PRKN: variants seen among roughly 807,000 people sequenced by gnomAD.
PRKN encodes the protein parkin RBR E3 ubiquitin protein ligase, also known as E3 ubiquitin-protein ligase parkin.
PRKN carries 56 observed loss-of-function variants against 59.5 expected under a neutral mutation model. The ratio of observed to expected loss-of-function variants is 0.94; its 90% CI spans 0.76 to 1.18. The LOEUF is 1.18. Among genes scored for constraint, PRKN ranks in the 50% most tolerant of loss-of-function variants. PRKN has a pLI of 0.00. For synonymous variants in PRKN, 250 were observed against 222.1 expected, an observed-to-expected ratio of 1.13 and a Z score of -1.12; for missense variants, 657 against 596.4, an observed-to-expected ratio of 1.10 and a Z score of -1.06.
At chr6:161,973,903 G>A (rs996642731) in intron 5 of PRKN, among the ~76,000 whole-genome samples, 35 of 152,282 alleles carry the variant, frequency 2.3e-4, no homozygotes, top group Middle Eastern at 3.4e-3. Flanking sequence ...GTCATTTAGC[G>A]GAGTCAGGAA....
At chr6:161,543,739 A>G (rs576572125) in intron 9 of PRKN, among the ~76,000 whole-genome samples, 1 of 152,370 alleles carries the variant, frequency 6.6e-6, no homozygotes, top group Admixed American at 6.5e-5. Context: ...ATTATCACCC[A>G]GACATGTAAT....
intron 5 of PRKN, among the ~76,000 whole-genome samples, chr6:161,976,469 T>A (rs1197113515): frequency 3.9e-5 from 6 of 152,150 alleles, no homozygotes; most frequent in Admixed American, 2.6e-4. Flanking sequence ...TGCCCATGAG[T>A]CCAGGACCTT....
chr6:162,055,737 C>T (rs1041150235), intron 4 of PRKN, among the ~76,000 whole-genome samples: 3 of 152,096 alleles, frequency 2.0e-5, no homozygotes, highest in African/African-American at 7.2e-5. Context: ...GACGTTTGGA[C>T]CCAGCTAGTG....
At chr6:161,676,399 G>A (rs555144482) in intron 7 of PRKN, among the ~76,000 whole-genome samples, 1 of 152,326 alleles carries the variant, frequency 6.6e-6, no homozygotes, top group South Asian at 2.1e-4. Flanking sequence ...AAAATGCCTT[G>A]GAGCTCAGGT....
intron 5 of PRKN, among the ~76,000 whole-genome samples, chr6:162,007,988 C>T (rs1170024595): frequency 6.6e-6 from 1 of 152,066 alleles, no homozygotes; most frequent in Non-Finnish European, 1.5e-5. Context: ...GCTAGGGGAG[C>T]ATTTATAAGA....
chr6:161,516,196 C>T (rs1459714892), intron 9 of PRKN, among the ~76,000 whole-genome samples: 1 of 151,338 alleles, frequency 6.6e-6, no homozygotes, highest in Non-Finnish European at 1.5e-5. Flanking sequence ...GCCTGTAATC[C>T]CAGCACTTTG....
At chr6:161,856,353 G>A (rs1411446120) in intron 6 of PRKN, among the ~76,000 whole-genome samples, 1 of 123,090 alleles carries the variant, frequency 8.1e-6, no homozygotes, top group Admixed American at 8.2e-5. Flanking sequence ...AGAGTGAAAT[G>A]CCATCTCAAA....
chr6:162,361,710 T>C (rs1785151305), intron 2 of PRKN, among the ~76,000 whole-genome samples: 1 of 152,228 alleles, frequency 6.6e-6, no homozygotes, highest in South Asian at 2.1e-4. Flanking sequence ...GATGCAAGTG[T>C]GCTGTGCATA....
intron 8 of PRKN, among the ~76,000 whole-genome samples, chr6:161,558,115 T>A (rs953381571): frequency 1.3e-5 from 2 of 152,152 alleles, no homozygotes; most frequent in African/African-American, 4.8e-5. Flanking sequence ...TGTGAAGTGA[T>A]GGATGTGGCC....
chr6:162,003,113 A>C (rs1222201820), intron 5 of PRKN, among the ~76,000 whole-genome samples: 1 of 151,796 alleles, frequency 6.6e-6, no homozygotes. Flanking sequence ...GAAGTGGTCT[A>C]TAGAGGTCAA....
intron 1 of PRKN, among the ~76,000 whole-genome samples, chr6:162,597,619 C>T (rs1781541315): frequency 6.6e-6 from 1 of 152,152 alleles, no homozygotes; most frequent in Non-Finnish European, 1.5e-5. Flanking sequence ...TTCTGACACG[C>T]TATTTATCTG....
At chr6:161,489,384 A>G (rs929547972) in intron 9 of PRKN, among the ~76,000 whole-genome samples, 8 of 151,856 alleles carry the variant, frequency 5.3e-5, no homozygotes, top group Non-Finnish European at 1.2e-4. Flanking sequence ...ACATGGTGAA[A>G]CCCTGTCTCT....
chr6:161,630,137 C>T (rs752347546), intron 7 of PRKN, among the ~76,000 whole-genome samples: 4 of 152,182 alleles, frequency 2.6e-5, no homozygotes, highest in Non-Finnish European at 4.4e-5. Flanking sequence ...TAGGTTTTTA[C>T]TGTGTACTAG....
At chr6:162,338,901 G>T (rs1293661081) in intron 2 of PRKN, among the ~76,000 whole-genome samples, 1 of 149,142 alleles carries the variant, frequency 6.7e-6, no homozygotes, top group Non-Finnish European at 1.5e-5. Context: ...CCTCTGCCCC[G>T]CCGCCCCATC....
At chr6:161,819,427 G>T (rs1791927347) in intron 6 of PRKN, among the ~76,000 whole-genome samples, 1 of 152,132 alleles carries the variant, frequency 6.6e-6, no homozygotes, top group Non-Finnish European at 1.5e-5. Flanking sequence ...GGAGGCGGAG[G>T]TTGCAGTGAG....
Position 161,442,239 on chromosome 6 carries a change from G to T in PRKN, c.1084-55362C>A, listed in dbSNP as rs146107730. On this transcript the variant is annotated intron_variant, in intron 9 of 11. Coordinates refer to ENST00000366898, the MANE Select transcript of PRKN (RefSeq NM_004562.3). The surrounding 1 kb of genome is among the most constrained non-coding windows in gnomAD (Gnocchi z 4.6). ...CTTCAATTTCTCTGAAATTGAAGGAGAATTATTTCTCCACTTCAAAAGTCA... is the reference window on the plus strand; with the variant it reads ...CTTCAATTTCTCTGAAATTGAAGGATAATTATTTCTCCACTTCAAAAGTCA... Among the ~76,000 whole-genome samples, 13 of 152,224 alleles carry T rather than the reference G, an allele frequency of 8.5e-5. No individual in the cohort carries two copies. Among genetic ancestry groups the T allele is most frequent in the Non-Finnish European group, 1.6e-4 (11 of 68,026 alleles).
Position 162,139,461 on chromosome 6 carries a change from C to T in PRKN, c.534+61670G>A, listed in dbSNP as rs529991372. Among the ~76,000 whole-genome samples the T allele has an allele frequency of 2.6e-5, 4 of 152,098 alleles. No homozygotes were observed. In the East Asian group the frequency reaches 7.7e-4, roughly 29 times the overall value. Reference sequence around the variant, plus strand: ...GACGAATACAGGCACAGGGAAGAGACAATTTGAACAGAGGCTTATGAGGAC... The same window carrying T: ...GACGAATACAGGCACAGGGAAGAGATAATTTGAACAGAGGCTTATGAGGAC... On this transcript the variant is annotated intron_variant, in intron 4 of 11. Transcript: ENST00000366898.
chr6:161,736,175 C>T (rs1038500527), intron 7 of PRKN, among the ~76,000 whole-genome samples: 1 of 152,182 alleles, frequency 6.6e-6, no homozygotes, highest in Non-Finnish European at 1.5e-5. Flanking sequence ...AAAACACCAC[C>T]TGTCAAAGAA....
intron 6 of PRKN, among the ~76,000 whole-genome samples, chr6:161,912,148 A>T (rs1778385786): frequency 6.6e-6 from 1 of 151,344 alleles, no homozygotes; most frequent in Non-Finnish European, 1.5e-5. Flanking sequence ...ACTGCACTCC[A>T]GCCTGGACGA....
Sources: gnomAD v4.1 joint callset for allele counts (sites outside exome capture counted in the v4.1 genomes callset) on GRCh38, gnomAD v4.1.1 for gene constraint, Gnocchi (gnomAD v3.1) non-coding constraint, MANE v1.5 for transcripts, NCBI Gene and HGNC (gene_info 2026-07-23, HGNC 2026-07-21) for gene names.